AMZ1: variants seen among roughly 807,000 people sequenced by gnomAD.
AMZ1 encodes the protein archaemetzincin-1.
AMZ1 carries 39 observed loss-of-function variants against 29.9 expected under a neutral mutation model. That is an observed-to-expected ratio of 1.30 (90% confidence interval 1.01 to 1.70). The LOEUF is 1.70. Ranked by LOEUF, AMZ1 falls within the 40% of genes most tolerant of loss-of-function variation. The pLI is 0.00. For synonymous variants in AMZ1, 458 were observed against 304.0 expected (o/e 1.51, Z -5.27); for missense variants, 1,041 against 680.6 (o/e 1.53, Z -5.89).
intron 4 of AMZ1, chr7:2,729,681 A>C (rs1342188211): frequency 6.6e-6 from 1 of 152,288 alleles, no homozygotes. Flanking sequence ...CGGCCTCGGG[A>C]CGAGGGCCCT....
chr7:2,762,950 C>T (rs1791637279), upstream of AMZ1: 6 of 1,366,644 alleles, frequency 4.4e-6, no homozygotes, highest in African/African-American at 6.0e-5. Flanking sequence ...CCGTGGGGCC[C>T]GTGCCAGGGT....
chr7:2,742,427 C>T lies in AMZ1; in HGVS notation n.551-22285C>T, dbSNP rs574466234. 9.4e-4 allele frequency among the ~76,000 whole-genome samples: 143 copies of T among 152,294 alleles called. 1 individual carries two copies. The highest frequency in any genetic ancestry group is 1.6e-3 in the Non-Finnish European group (109 of 68,026). On this transcript the variant is annotated intron_variant and non_coding_transcript_variant, in intron 4 of 4. Transcript: ENST00000489665. ...AGATGATTTTCCAGTCAGTGCCACT[C>T]CATGCTTGCTGGTCTGTGAGTGACA...
At chr7:2,687,191 A>G (rs1265563525), upstream of AMZ1, among the ~76,000 whole-genome samples, 1 of 152,054 alleles carries the variant, frequency 6.6e-6, no homozygotes, top group African/African-American at 2.4e-5. Flanking sequence ...GCTGGACACA[A>G]TGATGGGTAC....
Position 2,700,662 on chromosome 7 carries a change from C to A in AMZ1, c.211C>A (p.Pro71Thr), listed in dbSNP as rs937248674. 15 of 1,612,364 alleles carry A rather than the reference C, an allele frequency of 9.3e-6. No individual in the cohort carries two copies. Among genetic ancestry groups the A allele is most frequent in the Non-Finnish European group, 1.3e-5 (15 of 1,179,984 alleles). ...RTGFDWLLSRPEAPEDFQTFH... is the reference protein window; with the variant it reads ...RTGFDWLLSRTEAPEDFQTFH... ...GGGCTTCGACTGGCTCCTGAGCCGA[C>A]CCGAGGCTCCCGAGGACTTCCAGAC... The change falls in exon 2 of 7, where the codon CCC (proline) becomes ACC (threonine). Residue 71 changes from proline (P) to threonine (T), a missense_variant. By Grantham distance (38) the Pro-to-Thr change is conservative. Transcript: ENST00000683327.
chr7:2,697,573 G>A (rs1002236855), intron 1 of AMZ1, among the ~76,000 whole-genome samples: 4 of 151,972 alleles, frequency 2.6e-5, no homozygotes, highest in East Asian at 1.9e-4. Flanking sequence ...ACAGGTGCGC[G>A]TCACCATGCC....
chr7:2,748,662 G>C (rs1418018735), intron 4 of AMZ1, among the ~76,000 whole-genome samples: 1 of 152,138 alleles, frequency 6.6e-6, no homozygotes, highest in Non-Finnish European at 1.5e-5. Flanking sequence ...TGACAAATGG[G>C]ATCTAATTAA....
At chr7:2,722,655 G>A (rs1279372508), downstream of AMZ1, among the ~76,000 whole-genome samples, 1 of 152,158 alleles carries the variant, frequency 6.6e-6, no homozygotes, top group Non-Finnish European at 1.5e-5. Flanking sequence ...ATGCAACAGA[G>A]ATTTTAAATT....
chr7:2,691,340 C>T (rs941745199), intron 1 of AMZ1, among the ~76,000 whole-genome samples: 3 of 147,848 alleles, frequency 2.0e-5, no homozygotes, highest in African/African-American at 8.0e-5. Context: ...TCCAGGTGAG[C>T]TGTGTAACCC....
intron 1 of AMZ1, among the ~76,000 whole-genome samples, chr7:2,695,364 G>A (rs577431187): frequency 6.6e-6 from 1 of 152,218 alleles, no homozygotes; most frequent in African/African-American, 2.4e-5. Context: ...TAGAACCCAC[G>A]TGGTCCCAGC....
At chr7:2,750,482 G>A (rs369175793) in intron 4 of AMZ1, among the ~76,000 whole-genome samples, 26 of 152,298 alleles carry the variant, frequency 1.7e-4, no homozygotes, top group African/African-American at 6.3e-4. Flanking sequence ...TATCTATATT[G>A]TTTTTCCCTT....
At chr7:2,707,970 C>G (rs893210548) in intron 3 of AMZ1, among the ~76,000 whole-genome samples, 1 of 151,728 alleles carries the variant, frequency 6.6e-6, no homozygotes, top group Non-Finnish European at 1.5e-5. Flanking sequence ...ATTACAGGCA[C>G]GCACCACCAG....
At chr7:2,682,348 C>T (rs576984808) in intron 1 of AMZ1, among the ~76,000 whole-genome samples, 1 of 152,198 alleles carries the variant, frequency 6.6e-6, no homozygotes, top group Non-Finnish European at 1.5e-5. Flanking sequence ...TGAGATGACA[C>T]CGGGTGGGCC....
Position 2,718,335 on chromosome 7 carries a change from C to T in AMZ1, c.*5457C>T, listed in dbSNP as rs1324366998. 6.6e-6 allele frequency among the ~76,000 whole-genome samples: 1 copy of T among 152,216 alleles called. No individual in the cohort carries two copies. Among genetic ancestry groups the T allele is most frequent in the Non-Finnish European group, 1.5e-5 (1 of 68,042 alleles). On this transcript the variant is annotated 3_prime_UTR_variant, in exon 7 of 7. Coordinates refer to ENST00000683327, the MANE Select transcript of AMZ1 (RefSeq NM_001384743.1). ...AGTGTGCCTGGTTTTCTGGATACAG[C>T]ATGACTGAACCGCCCCTTCTCAGCA...
rs568132100 is a variant in AMZ1 at position 2,715,549 on chromosome 7, C to T, written c.*2671C>T. 1.3e-5 allele frequency: 2 copies of T among 152,290 alleles called. No individual in the cohort carries two copies. The highest frequency in any genetic ancestry group is 4.8e-5 in the African/African-American group (2 of 41,554). 9.4% of individuals were successfully genotyped at this position (152,290 alleles called of 1,614,324 possible). ...AGCTGTGATGTGTGTCCCAAAAAAGCGTTTTGAAGTGGGAAGGAGCAAACC... is the reference window on the plus strand; with the variant it reads ...AGCTGTGATGTGTGTCCCAAAAAAGTGTTTTGAAGTGGGAAGGAGCAAACC... On this transcript the variant is annotated 3_prime_UTR_variant, in exon 7 of 7. Transcript: ENST00000683327.
chr7:2,749,981 A>G (rs1390121474), intron 4 of AMZ1, among the ~76,000 whole-genome samples: 1 of 152,214 alleles, frequency 6.6e-6, no homozygotes, highest in Non-Finnish European at 1.5e-5. Context: ...GGGGCAGAGA[A>G]TGTTTTTAGA....
chr7:2,710,285 G>T (rs1210112207), intron 6 of AMZ1, among the ~76,000 whole-genome samples: 1 of 152,236 alleles, frequency 6.6e-6, no homozygotes, highest in South Asian at 2.1e-4. Context: ...TGTCGCCTGG[G>T]TGGGGTTGCC....
At chr7:2,723,004 T>TAAAAC (rs200324866), downstream of AMZ1, among the ~76,000 whole-genome samples, 1 of 151,052 alleles carries the variant, frequency 6.6e-6, no homozygotes, top group Admixed American at 6.6e-5. Flanking sequence ...TAAAATAAAA[T>TAAAAC]AAAACAAAAT....
chr7:2,699,727 G>A (rs1787943456), intron 1 of AMZ1, among the ~76,000 whole-genome samples: 1 of 152,208 alleles, frequency 6.6e-6, no homozygotes, highest in Non-Finnish European at 1.5e-5. Context: ...GGACCCAGGT[G>A]AGGATGCACA....
intron 1 of AMZ1, among the ~76,000 whole-genome samples, chr7:2,699,859 G>A (rs1021493085): frequency 4.6e-5 from 7 of 152,188 alleles, no homozygotes; most frequent in African/African-American, 1.7e-4. Flanking sequence ...TGGCTGGTAA[G>A]AGGGAATGGA....
Sources: gnomAD v4.1 joint callset for allele counts (sites outside exome capture counted in the v4.1 genomes callset) on GRCh38, gnomAD v4.1.1 for gene constraint, MANE v1.5 for transcripts, NCBI Gene and HGNC (gene_info 2026-07-23, HGNC 2026-07-21) for gene names.